The following SUPT3H variants were observed in gnomAD, a reference collection of about 807,000 sequenced individuals.
The protein encoded by SUPT3H is transcription initiation protein SPT3 homolog.
Under a neutral mutation model 44.3 loss-of-function variants are expected in SUPT3H, and 44 were observed. That is an observed-to-expected ratio of 0.99 (90% confidence interval 0.78 to 1.28). The LOEUF is 1.28. Ranked by LOEUF, SUPT3H falls within the 50% of genes most tolerant of loss-of-function variation. The pLI, the probability that SUPT3H is intolerant of heterozygous loss-of-function variation, is 0.00. For synonymous variants in SUPT3H, 124 were observed against 125.6 expected, an observed-to-expected ratio of 0.99 and a Z score of 0.09; for missense variants, 380 against 387.1, an observed-to-expected ratio of 0.98 and a Z score of 0.15.
chr6:44,997,782 A>T (rs1781467934), intron 6 of SUPT3H, among the ~76,000 whole-genome samples: 1 of 151,770 alleles, frequency 6.6e-6, no homozygotes, highest in Non-Finnish European at 1.5e-5. Flanking sequence ...TAAGTGAGAT[A>T]TTTTTTATCA....
chr6:45,269,355 C>G (rs1265233606), intron 2 of SUPT3H, among the ~76,000 whole-genome samples: 1 of 152,108 alleles, frequency 6.6e-6, no homozygotes, highest in African/African-American at 2.4e-5. Flanking sequence ...TGAAGGAAAG[C>G]CTTATTTAGA....
chr6:45,069,757 A>G (rs1374246869), intron 3 of SUPT3H, among the ~76,000 whole-genome samples: 5 of 152,132 alleles, frequency 3.3e-5, no homozygotes, highest in Admixed American at 3.3e-4. Context: ...ACTCTTATTT[A>G]TTTATTTTTA....
chr6:44,895,256 T>A, intron 10 of SUPT3H, among the ~76,000 whole-genome samples: 1 of 702 alleles, frequency 1.4e-3, no homozygotes, highest in South Asian at 0.5. Flanking sequence ...TTAGTCTTGT[T>A]TTTTTTTTTT....
At chr6:45,363,023 AT>A (rs1431964129) in intron 2 of SUPT3H, among the ~76,000 whole-genome samples, 1 of 151,622 alleles carries the variant, frequency 6.6e-6, no homozygotes, top group Non-Finnish European at 1.5e-5. Flanking sequence ...TTTTATTTTT[AT>A]TTTTAATTTT....
chr6:45,189,224 T>C (rs1431017292), intron 2 of SUPT3H, among the ~76,000 whole-genome samples: 1 of 152,230 alleles, frequency 6.6e-6, no homozygotes, highest in Non-Finnish European at 1.5e-5. Context: ...TGAGAAACCC[T>C]AGTAAGTAAA....
Position 45,083,202 on chromosome 6 carries a change from TTA to T in SUPT3H, c.186+22718_186+22719del, listed in dbSNP as rs869170000. ...ATTATTATTATTATTATTATTATTA[TTA>T]TTTTTCAGACGGAGTCTCACTCTGT... On this transcript the variant is annotated intron_variant, in intron 3 of 10. Transcript: ENST00000371459. Among the ~76,000 whole-genome samples, 6 of 127,850 alleles carry T rather than the reference TTA, an allele frequency of 4.7e-5. No individual in the cohort carries two copies. The East Asian group carries it at 6.5e-4, about 14-fold the overall frequency. 83.9% of individuals were successfully genotyped at this position (127,850 alleles called of 152,430 possible).
intron 3 of SUPT3H, among the ~76,000 whole-genome samples, chr6:45,030,635 C>T (rs1786769823): frequency 6.6e-6 from 1 of 152,084 alleles, no homozygotes; most frequent in Non-Finnish European, 1.5e-5. Flanking sequence ...TGAATTACAC[C>T]AGACCACACA....
intron 3 of SUPT3H, among the ~76,000 whole-genome samples, chr6:45,041,109 C>T (rs1171705738): frequency 1.3e-5 from 2 of 152,014 alleles, no homozygotes; most frequent in Non-Finnish European, 2.9e-5. Flanking sequence ...AGCTAGGGTG[C>T]CATCGTGATA....
At chr6:45,128,928 C>T (rs1165585829) in intron 2 of SUPT3H, among the ~76,000 whole-genome samples, 6 of 152,064 alleles carry the variant, frequency 3.9e-5, no homozygotes, top group African/African-American at 9.7e-5. Flanking sequence ...TCAAGTGATC[C>T]GCCTGCCTCG....
At chr6:45,298,359 T>G (rs1422038477) in intron 2 of SUPT3H, among the ~76,000 whole-genome samples, 1 of 152,128 alleles carries the variant, frequency 6.6e-6, no homozygotes, top group African/African-American at 2.4e-5. Context: ...AAAAAAAAAG[T>G]AGGTTATCAA....
chr6:44,947,492 T>C (rs1331669790), intron 9 of SUPT3H, among the ~76,000 whole-genome samples: 1 of 152,208 alleles, frequency 6.6e-6, no homozygotes, highest in Non-Finnish European at 1.5e-5. Context: ...TGCTAAAACA[T>C]ATCCCAAACT....
intron 10 of SUPT3H, among the ~76,000 whole-genome samples, chr6:44,864,190 C>T (rs1028237982): frequency 2.0e-5 from 3 of 152,182 alleles, no homozygotes; most frequent in African/African-American, 7.2e-5. Context: ...CAAGTCTCTT[C>T]CGCCTATGAG....
intron 10 of SUPT3H, among the ~76,000 whole-genome samples, chr6:44,834,232 C>A (rs1037871620): frequency 8.5e-5 from 13 of 152,144 alleles, no homozygotes; most frequent in African/African-American, 3.1e-4. Flanking sequence ...ATAAATGGAA[C>A]ATTTTCAGAA....
chr6:45,344,118 G>A (rs1048812280), intron 2 of SUPT3H, among the ~76,000 whole-genome samples: 1 of 152,120 alleles, frequency 6.6e-6, no homozygotes, highest in South Asian at 2.1e-4. Context: ...TATTCGGAGA[G>A]ATAAAAGTTG....
At chr6:44,847,822 TCTC>T in intron 10 of SUPT3H, among the ~76,000 whole-genome samples, 1 of 152,138 alleles carries the variant, frequency 6.6e-6, no homozygotes, top group East Asian at 1.9e-4. Flanking sequence ...TGTCTTTTCT[TCTC>T]CTGCTCTTGT....
At chr6:44,876,477 G>GTT in intron 10 of SUPT3H, among the ~76,000 whole-genome samples, 1 of 128,400 alleles carries the variant, frequency 7.8e-6, no homozygotes, top group African/African-American at 2.9e-5. Context: ...CACTGGAAGG[G>GTT]GAATATCATA....
At chr6:45,001,323 A>T (rs1186213072) in intron 6 of SUPT3H, among the ~76,000 whole-genome samples, 1 of 152,076 alleles carries the variant, frequency 6.6e-6, no homozygotes, top group Non-Finnish European at 1.5e-5. Context: ...GGATGTTCTG[A>T]GATCATGGAT....
intron 2 of SUPT3H, among the ~76,000 whole-genome samples, chr6:45,213,597 A>T (rs865896306): frequency 1.3e-5 from 2 of 152,310 alleles, no homozygotes; most frequent in Middle Eastern, 3.5e-3. Flanking sequence ...TTCATAAATC[A>T]ATTAGGTAAT....
intron 2 of SUPT3H, among the ~76,000 whole-genome samples, chr6:45,112,684 T>C (rs933710345): frequency 5.3e-5 from 8 of 152,074 alleles, no homozygotes; most frequent in African/African-American, 1.9e-4. Context: ...ATTAAAGAGA[T>C]TCTGAAAAAG....
Sources: allele counts gnomAD v4.1 joint callset (sites outside exome capture counted in the v4.1 genomes callset), GRCh38; gene constraint gnomAD v4.1.1; transcripts MANE v1.5; gene names NCBI Gene and HGNC (gene_info 2026-07-23, HGNC 2026-07-21).